The following GDA variants were observed in gnomAD, a reference collection of about 807,000 sequenced individuals.
The protein encoded by GDA is guanine deaminase, also known as cytoplasmic PSD-95 interactor.
A neutral mutation model predicts 59.6 loss-of-function variants in GDA; 18 were observed. The ratio of observed to expected loss-of-function variants is 0.30; its 90% CI spans 0.21 to 0.45. The LOEUF (loss-of-function observed/expected upper bound fraction) is 0.45. Ranked by LOEUF, GDA falls within the 20% of genes least tolerant of loss-of-function variation. The pLI, the probability that GDA is intolerant of heterozygous loss-of-function variation, is 1.00. For missense variants in GDA, 427 were observed against 552.3 expected (o/e 0.77, Z 2.27); for synonymous variants, 201 against 201.1 (o/e 1.00, Z 0.00).
At chr9:72,229,179 A>G (rs1838007412) in intron 9 of GDA, 1 of 165,508 alleles carries the variant, frequency 6.0e-6, no homozygotes, top group East Asian at 1.8e-4. Context: ...ACTAAAAAAA[A>G]AAAAAAAAAA....
At chr9:72,178,341 T>G (rs548671947) in intron 1 of GDA, among the ~76,000 whole-genome samples, 1 of 152,276 alleles carries the variant, frequency 6.6e-6, no homozygotes, top group South Asian at 2.1e-4. Flanking sequence ...TATTGGAAAT[T>G]TATGTACATC....
At chr9:72,199,135 C>T (rs1355021192) in intron 2 of GDA, among the ~76,000 whole-genome samples, 1 of 152,056 alleles carries the variant, frequency 6.6e-6, no homozygotes, top group Non-Finnish European at 1.5e-5. Flanking sequence ...CTAGCTGAGC[C>T]ACCAACAAAT....
chr9:72,172,188 A>G (rs1830044519), intron 1 of GDA, among the ~76,000 whole-genome samples: 1 of 151,272 alleles, frequency 6.6e-6, no homozygotes, highest in South Asian at 2.1e-4. Context: ...CCAGTTTCTT[A>G]CGTATTTTTC....
At chr9:72,217,166 T>G (rs1190071441) in intron 5 of GDA, among the ~76,000 whole-genome samples, 1 of 152,220 alleles carries the variant, frequency 6.6e-6, no homozygotes, top group Non-Finnish European at 1.5e-5. Context: ...AAAATAGCAG[T>G]ATGTGGGTGA....
chr9:72,255,136 A>T (rs73650313), downstream of GDA, among the ~76,000 whole-genome samples: 1 of 152,230 alleles, frequency 6.6e-6, no homozygotes, highest in African/African-American at 2.4e-5. Flanking sequence ...GCTAACTCAT[A>T]GGCAGTGCAG....
chr9:72,248,501 G>A lies in GDA; in HGVS notation c.*159G>A. 2.1e-6 allele frequency: 3 copies of A among 1,431,290 alleles called. No individual in the cohort carries two copies. The highest frequency in any genetic ancestry group is 2.7e-6 in the Non-Finnish European group (3 of 1,091,220). 88.7% of individuals were successfully genotyped at this position (1,431,290 alleles called of 1,614,324 possible). On this transcript the variant is annotated 3_prime_UTR_variant, in exon 14 of 14. Transcript: ENST00000358399. Reference sequence around the variant, plus strand: ...GTATTCACTTGACAAATAGTTCGAAGGAAGTTGCACTAATTCTCAACTCTG... The same window carrying A: ...GTATTCACTTGACAAATAGTTCGAAAGAAGTTGCACTAATTCTCAACTCTG...
At chr9:72,184,853 A>G (rs1040279372) in intron 1 of GDA, among the ~76,000 whole-genome samples, 4 of 152,236 alleles carry the variant, frequency 2.6e-5, no homozygotes, top group Admixed American at 6.5e-5. Flanking sequence ...TTCAAGTTAT[A>G]TAATTTTAAT....
At chr9:72,218,540 C>T (rs1431586899) in intron 5 of GDA, among the ~76,000 whole-genome samples, 2 of 152,186 alleles carry the variant, frequency 1.3e-5, no homozygotes, top group African/African-American at 4.8e-5. Context: ...AAAACTACAG[C>T]TGCCTAGGGA....
Position 72,248,555 on chromosome 9 carries a change from A to T in GDA, c.*213A>T. The T allele has an allele frequency of 7.3e-7, 1 of 1,375,058 alleles. No homozygotes were observed. The highest frequency in any genetic ancestry group is 1.5e-5 in the African/African-American group (1 of 68,438). 85.2% of individuals were successfully genotyped at this position (1,375,058 alleles called of 1,614,324 possible). A position where few individuals can be genotyped will look rare whatever the true frequency, so the allele number is the denominator to read the frequency against. On this transcript the variant is annotated 3_prime_UTR_variant, in exon 14 of 14. Transcript: ENST00000358399. ...GAGAGGGTTCATAAATTTCATGAAA[A>T]TATCTCCCTTTGGAGCTGCTCAGAC... is the stretch of plus-strand genomic sequence containing the variant.
At chr9:72,154,372 T>TTA (rs1827639748) in intron 1 of GDA, among the ~76,000 whole-genome samples, 1 of 152,244 alleles carries the variant, frequency 6.6e-6, no homozygotes, top group Non-Finnish European at 1.5e-5. Context: ...TAGTGGATAC[T>TTA]TAACATGTAC....
intron 1 of GDA, among the ~76,000 whole-genome samples, chr9:72,142,288 C>A (rs1826467462): frequency 1.3e-5 from 2 of 151,980 alleles, no homozygotes; most frequent in Admixed American, 1.3e-4. Flanking sequence ...ATGTAAGTAG[C>A]AGGAATAAGG....
intron 1 of GDA, among the ~76,000 whole-genome samples, chr9:72,159,990 C>T (rs988208682): frequency 1.2e-4 from 18 of 152,024 alleles, no homozygotes; most frequent in African/African-American, 3.6e-4. Context: ...CCACACTGAC[C>T]ATGATCTAGT....
At chr9:72,170,580 G>A (rs1829841655) in intron 1 of GDA, among the ~76,000 whole-genome samples, 2 of 152,168 alleles carry the variant, frequency 1.3e-5, no homozygotes, top group African/African-American at 2.4e-5. Context: ...TCGTAAAATG[G>A]ATATGGGGAG....
chr9:72,158,366 G>A (rs1204132935), intron 1 of GDA, among the ~76,000 whole-genome samples: 1 of 152,010 alleles, frequency 6.6e-6, no homozygotes, highest in Non-Finnish European at 1.5e-5. Context: ...GGCCGAGGTG[G>A]GCTCATCACG....
At chr9:72,245,499 G>T (rs1448196169) in intron 12 of GDA, among the ~76,000 whole-genome samples, 1 of 152,180 alleles carries the variant, frequency 6.6e-6, no homozygotes, top group African/African-American at 2.4e-5. Context: ...TTGTGTATTT[G>T]AATGTATTTG....
chr9:72,259,849 C>G (rs940665966), downstream of GDA, among the ~76,000 whole-genome samples: 1 of 152,182 alleles, frequency 6.6e-6, no homozygotes, highest in African/African-American at 2.4e-5. Flanking sequence ...TTTGGCAGGA[C>G]TTAATAAATA....
intron 2 of GDA, chr9:72,197,551 A>T (rs1398774949): frequency 6.6e-6 from 1 of 152,032 alleles, no homozygotes; most frequent in East Asian, 1.9e-4. Flanking sequence ...GAGGAGGGTA[A>T]ACATAACTGT....
chr9:72,259,347 A>G (rs1295042350), downstream of GDA, among the ~76,000 whole-genome samples: 7 of 152,096 alleles, frequency 4.6e-5, no homozygotes, highest in East Asian at 1.9e-4. Context: ...CAGTGAGCAA[A>G]TCAAAATCAG....
chr9:72,172,243 T>A (rs554611488), intron 1 of GDA, among the ~76,000 whole-genome samples: 1 of 138,854 alleles, frequency 7.2e-6, no homozygotes, highest in Admixed American at 7.2e-5. Context: ...TATATATATA[T>A]AATAGTATAT....
Sources: gnomAD v4.1 joint callset for allele counts (sites outside exome capture counted in the v4.1 genomes callset) on GRCh38, gnomAD v4.1.1 for gene constraint, MANE v1.5 for transcripts, NCBI Gene and HGNC (gene_info 2026-07-23, HGNC 2026-07-21) for gene names.